The following PGCKA1 variants were observed in gnomAD, a reference collection of about 807,000 sequenced individuals.
PGCKA1 encodes the protein PDCD10 and GCKIII kinases associated 1.
chr4:37,555,349 A>G, the PGCKA1 span, among the ~76,000 whole-genome samples: 1 of 152,292 alleles, frequency 6.6e-6, no homozygotes, highest in East Asian at 1.9e-4. Context: ...CTTTGTTCAA[A>G]ACAAAAACAA....
the PGCKA1 span, among the ~76,000 whole-genome samples, chr4:37,535,105 G>A: frequency 1.3e-5 from 2 of 152,234 alleles, no homozygotes; most frequent in South Asian, 4.1e-4. Flanking sequence ...CTTTCCGGAA[G>A]AGGCCAACAC....
At chr4:37,521,463 A>G in the PGCKA1 span, among the ~76,000 whole-genome samples, 2,152 of 152,272 alleles carry the variant, frequency 0.014, 57 homozygotes, top group African/African-American at 0.048. Flanking sequence ...TCAGGAGCAT[A>G]TTGTTTAATT....
chr4:37,477,570 C>T, the PGCKA1 span, among the ~76,000 whole-genome samples: 1 of 152,168 alleles, frequency 6.6e-6, no homozygotes, highest in Non-Finnish European at 1.5e-5. Flanking sequence ...CTCAATATAG[C>T]TGTTAAAAAT....
At chr4:37,572,354 A>G in the PGCKA1 span, among the ~76,000 whole-genome samples, 1 of 151,950 alleles carries the variant, frequency 6.6e-6, no homozygotes, top group Non-Finnish European at 1.5e-5. Flanking sequence ...GCGTGAGCCA[A>G]CGTGCCCGGC....
chr4:37,466,810 T>C, the PGCKA1 span, among the ~76,000 whole-genome samples: 1 of 152,092 alleles, frequency 6.6e-6, no homozygotes, highest in East Asian at 1.9e-4. Context: ...ACATATACAA[T>C]ATGTAGGCCA....
the PGCKA1 span, among the ~76,000 whole-genome samples, chr4:37,527,605 G>A: frequency 1.3e-5 from 2 of 151,796 alleles, no homozygotes; most frequent in African/African-American, 4.8e-5. Flanking sequence ...AGATCATGAG[G>A]TCAGGAGATT....
chr4:37,555,264 C>A, the PGCKA1 span, among the ~76,000 whole-genome samples: 1 of 152,296 alleles, frequency 6.6e-6, no homozygotes, highest in Admixed American at 6.5e-5. Flanking sequence ...CTCTACATGG[C>A]ACTTCTTAGG....
At chr4:37,564,880 G>T in the PGCKA1 span, among the ~76,000 whole-genome samples, 1 of 151,964 alleles carries the variant, frequency 6.6e-6, no homozygotes, top group Non-Finnish European at 1.5e-5. Flanking sequence ...AGGCTGTCAG[G>T]CCCCACTCAG....
At chr4:37,463,241 A>C in the PGCKA1 span, among the ~76,000 whole-genome samples, 1 of 151,896 alleles carries the variant, frequency 6.6e-6, no homozygotes, top group East Asian at 2.0e-4. Flanking sequence ...GGGAAGTTGA[A>C]AGAGTTCACA....
At chr4:37,561,860 T>C in the PGCKA1 span, among the ~76,000 whole-genome samples, 1 of 152,256 alleles carries the variant, frequency 6.6e-6, no homozygotes, top group Non-Finnish European at 1.5e-5. Context: ...GCATATGTAT[T>C]GTTAATTCAT....
At chr4:37,588,577 A>G in the PGCKA1 span, 5 of 375,674 alleles carry the variant, frequency 1.3e-5, no homozygotes. Context: ...CATCTGCAAA[A>G]TGGGGATGAA....
At chr4:37,468,155 T>G in the PGCKA1 span, among the ~76,000 whole-genome samples, 1 of 152,304 alleles carries the variant, frequency 6.6e-6, no homozygotes, top group Admixed American at 6.5e-5. Flanking sequence ...ATGTCAGTAA[T>G]TTCCCACAAC....
the PGCKA1 span, among the ~76,000 whole-genome samples, chr4:37,554,740 G>A: frequency 5.9e-5 from 9 of 152,160 alleles, no homozygotes; most frequent in African/African-American, 1.9e-4. Flanking sequence ...TTTGAAGGAT[G>A]AATAGAATTT....
At chr4:37,510,120 A>C in the PGCKA1 span, among the ~76,000 whole-genome samples, 15 of 152,094 alleles carry the variant, frequency 9.9e-5, no homozygotes, top group African/African-American at 3.4e-4. Flanking sequence ...CCTTCTCTGC[A>C]TTATCTTGAA....
the PGCKA1 span, among the ~76,000 whole-genome samples, chr4:37,536,416 G>A: frequency 6.6e-6 from 1 of 152,126 alleles, no homozygotes; most frequent in South Asian, 2.1e-4. Flanking sequence ...CCAGGAATCT[G>A]GGCGCAGGAT....
chr4:37,550,341 G>C, the PGCKA1 span, among the ~76,000 whole-genome samples: 1,243 of 150,748 alleles, frequency 8.2e-3, 27 homozygotes, highest in African/African-American at 0.029. Flanking sequence ...CAGTTCTCTA[G>C]ACTGGAAAAA....
the PGCKA1 span, among the ~76,000 whole-genome samples, chr4:37,502,640 T>C: frequency 6.6e-6 from 1 of 152,182 alleles, no homozygotes; most frequent in Middle Eastern, 3.4e-3. Flanking sequence ...CGCACATGGG[T>C]GCTAGCAGGG....
At chr4:37,574,843 G>C in the PGCKA1 span, among the ~76,000 whole-genome samples, 9 of 151,652 alleles carry the variant, frequency 5.9e-5, no homozygotes, top group African/African-American at 2.2e-4. Context: ...GGCTCCCACA[G>C]ATAAGTGAGA....
At chr4:37,531,753 G>A in the PGCKA1 span, among the ~76,000 whole-genome samples, 783 of 151,288 alleles carry the variant, frequency 5.2e-3, 17 homozygotes, top group East Asian at 0.051. Context: ...TTAGCCGGGC[G>A]TGGTGGTGGG....
Sources: gnomAD v4.1 joint callset for allele counts (sites outside exome capture counted in the v4.1 genomes callset) on GRCh38, gnomAD v4.1.1 for gene constraint, MANE v1.5 for transcripts, NCBI Gene and HGNC (gene_info 2026-07-23, HGNC 2026-07-21) for gene names.